Variants in CPSF7 observed in about 807,000 individuals in gnomAD.
CPSF7 encodes the protein cleavage and polyadenylation specificity factor subunit 7.
A neutral mutation model predicts 44.3 loss-of-function variants in CPSF7; 1 was observed. The ratio of observed to expected loss-of-function variants is 0.02; its 90% CI spans 0.01 to 0.11. The LOEUF (loss-of-function observed/expected upper bound fraction) is 0.11. Among genes scored for constraint, CPSF7 ranks in the 10% least tolerant of loss-of-function variants. CPSF7 has a pLI of 1.00. For synonymous variants in CPSF7, 202 were observed against 222.0 expected, an observed-to-expected ratio of 0.91 and a Z score of 0.80; for missense variants, 443 against 607.2, an observed-to-expected ratio of 0.73 and a Z score of 2.84.
At chr11:61,409,751 T>C (rs925798275) in intron 9 of CPSF7, among the ~76,000 whole-genome samples, 11 of 151,798 alleles carry the variant, frequency 7.2e-5, no homozygotes, top group African/African-American at 2.4e-4. Context: ...CAAGGTGGGC[T>C]GATCACGAAG....
At chr11:61,419,919 T>G in intron 5 of CPSF7, 30 bp downstream of exon 5, 1 of 1,570,460 alleles carries the variant, frequency 6.4e-7, no homozygotes, top group Non-Finnish European at 8.7e-7. Context: ...GGTCTCCACG[T>G]ACCCCCTCTT....
In CPSF7 at chr11:61,416,385, G is replaced by A. The variant is rs767105394; in HGVS notation, c.658C>T (p.Pro220Ser). The change falls in exon 6 of 10, where the codon CCT becomes TCT. Residue 220 changes from proline (P) to serine (S), a missense_variant. By Grantham distance (74) the Pro-to-Ser change is moderately conservative. Coordinates refer to ENST00000439958, the MANE Select transcript of CPSF7 (RefSeq NM_001142565.3). ...AGACCCATCAGGGGAAGGGCCGAAG[G>A]AGGACGATTGAAGTAGGGCAGCACA... Reference protein sequence around the residue: ...PSVLPYFNRPPSALPLMGLPP... With the variant: ...PSVLPYFNRPSSALPLMGLPP... The A allele has an allele frequency of 9.3e-6, 15 of 1,613,106 alleles. No homozygotes were observed. In the Admixed American group the frequency reaches 2.2e-4, roughly 23 times the overall value.
intron 2 of CPSF7, 188 bp downstream of exon 2, chr11:61,428,994 C>T: frequency 2.3e-6 from 1 of 441,172 alleles, no homozygotes; most frequent in Non-Finnish European, 4.1e-6. Context: ...AAAATTAAGC[C>T]TGGAGCTTCA....
chr11:61,428,468 G>A (rs901332205), intron 2 of CPSF7, among the ~76,000 whole-genome samples: 1 of 152,170 alleles, frequency 6.6e-6, no homozygotes, highest in Non-Finnish European at 1.5e-5. Flanking sequence ...TTACAGTCAA[G>A]AGCCACCTTG....
At chr11:61,429,669 G>C in intron 1 of CPSF7, 3 of 1,415,686 alleles carry the variant, frequency 2.1e-6, no homozygotes, top group East Asian at 2.5e-5. Flanking sequence ...AGAGCCCCCA[G>C]GTGTCAAGCA....
chr11:61,412,722 T>C (rs577953990), intron 7 of CPSF7, among the ~76,000 whole-genome samples: 1 of 152,332 alleles, frequency 6.6e-6, no homozygotes, highest in East Asian at 1.9e-4. Flanking sequence ...AACAAAGTAA[T>C]CCATGTAAAG....
At chr11:61,420,627 G>T in intron 3 of CPSF7, 54 bp from the exon 4 acceptor site, 3 of 1,375,128 alleles carry the variant, frequency 2.2e-6, no homozygotes, top group Non-Finnish European at 2.1e-6. Flanking sequence ...ACCCCCGCCC[G>T]CCAATGTCCC....
chr11:61,411,818 C>T lies in CPSF7; in HGVS notation c.1177G>A (p.Gly393Ser). 1 of 1,613,884 alleles carries T rather than the reference C, an allele frequency of 6.2e-7. No individual in the cohort carries two copies. Among genetic ancestry groups the T allele is most frequent in the Non-Finnish European group, 8.5e-7 (1 of 1,179,920 alleles). ...ACACTGTAGGACTTGGCTTCGATGC[C>T]ATGAAGACAGTCCTTAAGAGAGGAG... ...LISSLKDCLH[G>S]IEAKSYSVGA... Residue 393 changes from glycine (G) to serine (S), a missense_variant, in exon 8 of 10, where the codon GGC (glycine) becomes AGC (serine). Physicochemically the swap from Gly to Ser is moderately conservative, Grantham distance 56. Transcript: ENST00000439958.
chr11:61,413,273 T>C (rs149037611), intron 7 of CPSF7, among the ~76,000 whole-genome samples: 5 of 152,152 alleles, frequency 3.3e-5, no homozygotes, highest in Admixed American at 2.6e-4. Flanking sequence ...TAACCTACCA[T>C]CAGATGTATG....
intron 2 of CPSF7, among the ~76,000 whole-genome samples, chr11:61,424,025 AG>A (rs1861132605): frequency 6.6e-6 from 1 of 152,242 alleles, no homozygotes; most frequent in Non-Finnish European, 1.5e-5. Flanking sequence ...TAAAAACGTT[AG>A]AAAAAGAATA....
At chr11:61,405,533 CCAAA>C (rs1288213890) in intron 9 of CPSF7, among the ~76,000 whole-genome samples, 5 of 152,144 alleles carry the variant, frequency 3.3e-5, no homozygotes, top group South Asian at 2.1e-4. Flanking sequence ...CACATGGCCA[CCAAA>C]CAAAGTTCCT....
rs774406041 is a variant in CPSF7, at chr11:61,411,912, C to T, written c.1083G>A (p.Thr361=). 10 of 1,614,146 alleles carry T rather than the reference C, an allele frequency of 6.2e-6. No homozygotes were observed. In the South Asian group the frequency reaches 9.9e-5, roughly 16 times the overall value. ...TGATAACCGCAATGGCTGTGAGCAG[C>T]GTCTCAATTGCGTCACTGTAATCCC... The part of the protein sequence containing the change: ...SAGDYSDAIE[T]LLTAIAVIKQ... Residue 361 remains threonine, a synonymous_variant, in exon 8 of 10, where the codon ACG becomes ACA. Transcript: ENST00000439958.
At chr11:61,416,792 C>A (rs977034342) in intron 5 of CPSF7, among the ~76,000 whole-genome samples, 1 of 152,152 alleles carries the variant, frequency 6.6e-6, no homozygotes, top group African/African-American at 2.4e-5. Context: ...TTAATTTATC[C>A]TTATATGTAT....
At chr11:61,413,956 T>C (rs1278501836) in intron 7 of CPSF7, among the ~76,000 whole-genome samples, 1 of 152,110 alleles carries the variant, frequency 6.6e-6, no homozygotes, top group East Asian at 1.9e-4. Context: ...GTTTTTGTAG[T>C]ATCTTCAATA....
chr11:61,411,207 A>C, intron 8 of CPSF7, 102 bp from the exon 9 acceptor site: 1 of 1,202,180 alleles, frequency 8.3e-7, no homozygotes, highest in Non-Finnish European at 1.1e-6. Flanking sequence ...CTATTCCTCT[A>C]TTACTCTATC....
chr11:61,406,060 G>T (rs1480675460), intron 9 of CPSF7: 1 of 152,192 alleles, frequency 6.6e-6, no homozygotes, highest in African/African-American at 2.4e-5. Context: ...AAAATAATGA[G>T]ATAACTGACA....
chr11:61,424,985 G>A (rs1184841864), intron 2 of CPSF7, among the ~76,000 whole-genome samples: 1 of 152,172 alleles, frequency 6.6e-6, no homozygotes, highest in African/African-American at 2.4e-5. Flanking sequence ...GAAACCCTTC[G>A]TACTATATGC....
At chr11:61,409,427 C>T (rs563095243) in intron 9 of CPSF7, among the ~76,000 whole-genome samples, 66 of 150,110 alleles carry the variant, frequency 4.4e-4, no homozygotes, top group African/African-American at 1.5e-3. Context: ...GCCGAGATTG[C>T]GCCACTGCAC....
chr11:61,424,137 G>T (rs1029460061), intron 2 of CPSF7, among the ~76,000 whole-genome samples: 1 of 152,174 alleles, frequency 6.6e-6, no homozygotes, highest in Non-Finnish European at 1.5e-5. Context: ...CCATCAAAAA[G>T]GATTGTGCAT....
Sources: gnomAD v4.1 joint callset for allele counts (sites outside exome capture counted in the v4.1 genomes callset) on GRCh38, gnomAD v4.1.1 for gene constraint, MANE v1.5 for transcripts, NCBI Gene and HGNC (gene_info 2026-07-23, HGNC 2026-07-21) for gene names.